MPP7: variants seen among roughly 807,000 people sequenced by gnomAD.
MPP7 encodes the protein MAGUK p55 subfamily member 7.
Under a neutral mutation model 76.5 loss-of-function variants are expected in MPP7, and 60 were observed. That is an observed-to-expected ratio of 0.78 (90% CI 0.64 to 0.97). The LOEUF is 0.97. Among genes scored for constraint, MPP7 ranks in the 50% least tolerant of loss-of-function variants. The pLI is 0.00. For missense variants in MPP7, 641 were observed against 694.0 expected (o/e 0.92, Z 0.86); for synonymous variants, 237 against 244.5 (o/e 0.97, Z 0.29).
intron 11 of MPP7, among the ~76,000 whole-genome samples, chr10:28,093,827 T>C (rs2801848): frequency 0.91 from 138,995 of 152,218 alleles, 63,523 homozygotes; most frequent in East Asian, 0.95. Flanking sequence ...TGATGTTGCA[T>C]GAGTGTCAAA....
chr10:28,290,084 G>A (rs1184416125), intron 1 of MPP7, among the ~76,000 whole-genome samples: 1 of 152,212 alleles, frequency 6.6e-6, no homozygotes, highest in African/African-American at 2.4e-5. Context: ...CTCCCAAGGT[G>A]TTGGGATTAC....
intron 3 of MPP7, among the ~76,000 whole-genome samples, chr10:28,151,158 A>T (rs1195453315): frequency 6.6e-6 from 1 of 152,222 alleles, no homozygotes; most frequent in African/African-American, 2.4e-5. Context: ...CTGATTAGCC[A>T]GATGCTATTG....
chr10:28,232,837 T>G (rs1292678588), intron 2 of MPP7, among the ~76,000 whole-genome samples: 2 of 152,168 alleles, frequency 1.3e-5, no homozygotes, highest in Non-Finnish European at 1.5e-5. Flanking sequence ...TTGACCTAGG[T>G]GGATGATGGT....
chr10:28,164,237 G>A (rs1435629703), intron 3 of MPP7, among the ~76,000 whole-genome samples: 2 of 152,168 alleles, frequency 1.3e-5, no homozygotes, highest in African/African-American at 4.8e-5. Flanking sequence ...CAGGGTGGAG[G>A]AGAGGCCCAG....
intron 1 of MPP7, among the ~76,000 whole-genome samples, chr10:28,291,079 G>A (rs1174256832): frequency 6.6e-6 from 1 of 152,112 alleles, no homozygotes; most frequent in African/African-American, 2.4e-5. Flanking sequence ...GCACAGTTTA[G>A]GATGTTTCTA....
rs543982879 is a variant in MPP7, at chr10:28,118,179, A to C, written c.952+1472T>G. 8 of 984,838 alleles carry C rather than the reference A, an allele frequency of 8.1e-6. No homozygotes were observed. In the East Asian group the frequency reaches 9.1e-4, roughly 112 times the overall value. The allele number at this position is 984,838 out of a possible 1,614,324, so 61.0% of individuals were successfully genotyped here. On this transcript the variant is annotated intron_variant, in intron 11 of 16. Coordinates refer to ENST00000683449, the MANE Select transcript of MPP7 (RefSeq NM_001318170.2). ...ATTAATACTTCTACATACACACACAAACAAACACACATACCCCCACACACA... is the reference window on the plus strand; with the variant it reads ...ATTAATACTTCTACATACACACACACACAAACACACATACCCCCACACACA...
intron 11 of MPP7, among the ~76,000 whole-genome samples, chr10:28,100,982 G>T (rs1448358710): frequency 6.6e-6 from 1 of 152,072 alleles, no homozygotes; most frequent in Non-Finnish European, 1.5e-5. Flanking sequence ...TCAAAATTAT[G>T]AGAAAATACA....
intron 1 of MPP7, among the ~76,000 whole-genome samples, chr10:28,264,909 C>A (rs192250728): frequency 3.5e-4 from 53 of 152,212 alleles, no homozygotes; most frequent in African/African-American, 1.2e-3. Flanking sequence ...GAAGAAGGCA[C>A]AGTCCTCATC....
intron 1 of MPP7, among the ~76,000 whole-genome samples, chr10:28,259,811 T>C (rs1026247000): frequency 6.6e-6 from 1 of 151,576 alleles, no homozygotes; most frequent in Non-Finnish European, 1.5e-5. Flanking sequence ...CAAAATCCCA[T>C]CTCTACAAAA....
At chr10:28,176,694 G>A (rs1275823456) in intron 3 of MPP7, among the ~76,000 whole-genome samples, 1 of 151,978 alleles carries the variant, frequency 6.6e-6, no homozygotes, top group Non-Finnish European at 1.5e-5. Context: ...CTGAGATTGT[G>A]CAACTGCACT....
rs913432153 is a variant in MPP7 at position 28,119,272 on chromosome 10, T to C, written c.952+379A>G. 4.6e-5 allele frequency among the ~76,000 whole-genome samples: 7 copies of C among 152,048 alleles called. No homozygotes were observed. The South Asian group carries it at 1.5e-3, about 32-fold the overall frequency. On this transcript the variant is annotated intron_variant, in intron 11 of 16. Coordinates refer to ENST00000683449, the MANE Select transcript of MPP7 (RefSeq NM_001318170.2). ...ACAATTGCTTTTGTACCCAAGAAAA[T>C]GGTAGATTTTTTTTCTCCCTAATCT...
rs1438413160 is a variant in MPP7 at position 28,053,333 on chromosome 10, T to C, written c.*732A>G. 1 of 152,218 alleles carries C rather than the reference T, an allele frequency of 6.6e-6. No homozygotes were observed. The highest frequency in any genetic ancestry group is 1.9e-4 in the East Asian group (1 of 5,198). The allele number at this position is 152,218 out of a possible 1,614,324, so 9.4% of individuals were successfully genotyped here. A position where few individuals can be genotyped will look rare whatever the true frequency, so the allele number is the denominator to read the frequency against. On this transcript the variant is annotated 3_prime_UTR_variant, in exon 17 of 17. Coordinates refer to ENST00000683449, the MANE Select transcript of MPP7 (RefSeq NM_001318170.2). ...ATTTCTTGCCACAAGGCTACCATTC[T>C]TACTTATATTAATCCCAAAGGAAAG... is the stretch of plus-strand genomic sequence containing the variant.
chr10:28,260,429 C>A (rs1839910950), intron 1 of MPP7, among the ~76,000 whole-genome samples: 1 of 152,088 alleles, frequency 6.6e-6, no homozygotes, highest in South Asian at 2.1e-4. Flanking sequence ...ATAAAGAAAT[C>A]TAAAACATAT....
Position 28,329,395 on chromosome 10 carries a change from G to A in MPP7, c.-132+534C>T, listed in dbSNP as rs148839514. On this transcript the variant is annotated intron_variant, in intron 2 of 11. Transcript: ENST00000441595. ...TGTAATCCCAGCACTTTGGGAAGCC[G>A]AGGCAGGCGGATCACGAGGTCAGGA... 9.1e-3 allele frequency among the ~76,000 whole-genome samples: 1,380 copies of A among 152,108 alleles called. 20 individuals are homozygous for A. Among genetic ancestry groups the A allele is most frequent in the East Asian group, 0.055 (282 of 5,156 alleles).
At chr10:28,268,046 A>AAAAC (rs548710680) in intron 1 of MPP7, among the ~76,000 whole-genome samples, 4 of 152,048 alleles carry the variant, frequency 2.6e-5, no homozygotes, top group African/African-American at 7.2e-5. Flanking sequence ...TCAAAAAACA[A>AAAAC]AAACAAACAA....
At chr10:28,260,975 A>C (rs76852718) in intron 1 of MPP7, among the ~76,000 whole-genome samples, 1,919 of 152,148 alleles carry the variant, frequency 0.013, 41 homozygotes, top group African/African-American at 0.044. Context: ...TACACTATAA[A>C]ATTTATTCTT....
At chr10:28,154,840 C>T (rs1336456716) in intron 3 of MPP7, among the ~76,000 whole-genome samples, 1 of 151,970 alleles carries the variant, frequency 6.6e-6, no homozygotes, top group Non-Finnish European at 1.5e-5. Context: ...ATTTATTTTT[C>T]ACTCCCCACA....
At chr10:28,255,971 T>C (rs61845913) in intron 1 of MPP7, among the ~76,000 whole-genome samples, 4,718 of 152,264 alleles carry the variant, frequency 0.031, 119 homozygotes, top group South Asian at 0.052. Context: ...ATATACTTCA[T>C]ACAAATCATC....
At chr10:28,229,699 C>A in intron 2 of MPP7, among the ~76,000 whole-genome samples, 1 of 152,002 alleles carries the variant, frequency 6.6e-6, no homozygotes, top group East Asian at 1.9e-4. Flanking sequence ...ACCATCCTGG[C>A]TAACACAGTG....
Sources: gnomAD v4.1 joint callset for allele counts (sites outside exome capture counted in the v4.1 genomes callset) on GRCh38, gnomAD v4.1.1 for gene constraint, MANE v1.5 for transcripts, NCBI Gene and HGNC (gene_info 2026-07-23, HGNC 2026-07-21) for gene names.